OSBPL10: variants seen among roughly 807,000 people sequenced by gnomAD.
OSBPL10 encodes oxysterol-binding protein-related protein 10.
OSBPL10 carries 49 observed loss-of-function variants against 81.7 expected under a neutral mutation model. The ratio of observed to expected loss-of-function variants is 0.60; its 90% CI spans 0.48 to 0.76. The LOEUF (loss-of-function observed/expected upper bound fraction) is 0.76, where lower values mean the gene tolerates loss of function less well. Ranked by LOEUF, OSBPL10 falls within the 30% of genes least tolerant of loss-of-function variation. The pLI, the probability that OSBPL10 is intolerant of heterozygous loss-of-function variation, is 0.00. For missense variants in OSBPL10, 923 were observed against 987.8 expected (o/e 0.93, Z 0.88); for synonymous variants, 419 against 383.6 (o/e 1.09, Z -1.08).
chr3:31,669,122 G>A (rs576365899), intron 9 of OSBPL10, among the ~76,000 whole-genome samples: 2 of 151,934 alleles, frequency 1.3e-5, no homozygotes, highest in African/African-American at 2.4e-5. Context: ...TGAAAATCAG[G>A]CAATTCAAGA....
At chr3:31,930,237 AT>A (rs1268933002) in intron 1 of OSBPL10, among the ~76,000 whole-genome samples, 5 of 152,126 alleles carry the variant, frequency 3.3e-5, no homozygotes, top group African/African-American at 1.2e-4. Flanking sequence ...CCCTTGATGT[AT>A]GAAAACATGT....
intron 4 of OSBPL10, among the ~76,000 whole-genome samples, chr3:31,764,313 T>C (rs1042634515): frequency 5.3e-5 from 8 of 152,218 alleles, no homozygotes. Context: ...GTGGAATCAG[T>C]CAATTAATTC....
chr3:31,931,428 C>T (rs1697246750), intron 1 of OSBPL10, among the ~76,000 whole-genome samples: 1 of 152,138 alleles, frequency 6.6e-6, no homozygotes, highest in African/African-American at 2.4e-5. Flanking sequence ...AGCTGGTCTC[C>T]ATACTCCCCT....
intron 1 of OSBPL10, among the ~76,000 whole-genome samples, chr3:31,965,472 T>C (rs1698310514): frequency 9.6e-6 from 1 of 103,840 alleles, no homozygotes; most frequent in South Asian, 2.5e-4. Context: ...ATATAATATA[T>C]ATTATATATT....
chr3:31,736,460 G>A (rs1173260303), intron 5 of OSBPL10, among the ~76,000 whole-genome samples: 4 of 152,154 alleles, frequency 2.6e-5, no homozygotes, highest in African/African-American at 9.7e-5. Flanking sequence ...GGTAGACGGA[G>A]CTGAACTAAG....
At position 31,776,338 on chromosome 3, in the gene OSBPL10, A is replaced by G. The variant is rs551109316; in HGVS notation, c.730-28218T>C. Among the ~76,000 whole-genome samples, 9 of 152,300 alleles carry G rather than the reference A, an allele frequency of 5.9e-5. No homozygotes were observed. The South Asian group carries it at 1.7e-3, about 28-fold the overall frequency. ...TTAAAAGCTGGCAAGAATGTGGAGGAATTGGAACCTTCTTATACCGTTGGT... is the reference window on the plus strand; with the variant it reads ...TTAAAAGCTGGCAAGAATGTGGAGGGATTGGAACCTTCTTATACCGTTGGT... On this transcript the variant is annotated intron_variant, in intron 4 of 11. Coordinates refer to ENST00000396556, the MANE Select transcript of OSBPL10 (RefSeq NM_017784.5).
chr3:31,769,138 C>CT (rs1698283268), intron 4 of OSBPL10, among the ~76,000 whole-genome samples: 2 of 152,038 alleles, frequency 1.3e-5, no homozygotes, highest in Non-Finnish European at 2.9e-5. Flanking sequence ...AACATGCAAG[C>CT]ATGAAATAAT....
chr3:31,849,244 T>G (rs1211849269), intron 3 of OSBPL10, among the ~76,000 whole-genome samples: 1 of 152,226 alleles, frequency 6.6e-6, no homozygotes, highest in Non-Finnish European at 1.5e-5. Context: ...ATGTCCAGCA[T>G]AGCTAGGAGC....
intron 4 of OSBPL10, among the ~76,000 whole-genome samples, chr3:31,796,915 T>C (rs1699233723): frequency 6.6e-6 from 1 of 152,060 alleles, no homozygotes. Flanking sequence ...CCAAACATTT[T>C]CTCCCATTCT....
At chr3:31,748,440 C>G (rs1295982723) in intron 4 of OSBPL10, among the ~76,000 whole-genome samples, 1 of 152,106 alleles carries the variant, frequency 6.6e-6, no homozygotes, top group Non-Finnish European at 1.5e-5. Context: ...TTGCAACCAC[C>G]TTTAGAGTCC....
At chr3:32,012,086 C>T (rs1699265721) in intron 2 of OSBPL10, among the ~76,000 whole-genome samples, 2 of 152,108 alleles carry the variant, frequency 1.3e-5, no homozygotes, top group South Asian at 4.1e-4. Context: ...TCAGGAAATA[C>T]AGAGAATGCC....
chr3:31,752,984 A>T (rs183135684), intron 4 of OSBPL10, among the ~76,000 whole-genome samples: 1 of 152,086 alleles, frequency 6.6e-6, no homozygotes, highest in Non-Finnish European at 1.5e-5. Context: ...TCAATTACTC[A>T]ATCTGTCTGG....
intron 4 of OSBPL10, among the ~76,000 whole-genome samples, chr3:31,784,925 G>A (rs1308414609): frequency 6.6e-6 from 1 of 151,818 alleles, no homozygotes; most frequent in Non-Finnish European, 1.5e-5. Flanking sequence ...TGTCACCCAG[G>A]CTGGAGTGAA....
At chr3:31,663,430 C>T in intron 11 of OSBPL10, 1 of 987,184 alleles carries the variant, frequency 1.0e-6, no homozygotes, top group Non-Finnish European at 1.2e-6. Context: ...ATTTCCAATT[C>T]TGTTCTCAGA....
At chr3:31,953,980 G>A (rs1697941229) in intron 1 of OSBPL10, among the ~76,000 whole-genome samples, 1 of 152,304 alleles carries the variant, frequency 6.6e-6, no homozygotes, top group African/African-American at 2.4e-5. Context: ...TAACATCAAA[G>A]CTAAATAGGA....
In OSBPL10 at chr3:31,991,129, T is replaced by C; in HGVS notation, n.298+55362A>G. 3 of 796,882 alleles carry C rather than the reference T, an allele frequency of 3.8e-6. No individual in the cohort carries two copies. The South Asian group carries it at 5.6e-5, about 15-fold the overall frequency. The allele number at this position is 796,882 out of a possible 1,614,324, so 49.4% of individuals were successfully genotyped here. ...TTGACTTGACATTGAGTTCAAGCAT[T>C]AATTGACATTAAAGTGTTTACGTTA... On this transcript the variant is annotated intron_variant and non_coding_transcript_variant, in intron 2 of 3. Transcript: ENST00000479173.
intron 5 of OSBPL10, among the ~76,000 whole-genome samples, chr3:31,744,607 G>C (rs1697463744): frequency 2.0e-5 from 3 of 151,108 alleles, no homozygotes; most frequent in Admixed American, 2.0e-4. Context: ...AGGTGGGAGA[G>C]AGAGCACAGG....
intron 3 of OSBPL10, among the ~76,000 whole-genome samples, chr3:31,855,584 C>G (rs1428854087): frequency 1.3e-5 from 2 of 152,178 alleles, no homozygotes; most frequent in Non-Finnish European, 2.9e-5. Flanking sequence ...TTTCCAGGGT[C>G]CAGTACTATA....
intron 2 of OSBPL10, among the ~76,000 whole-genome samples, chr3:31,992,448 T>C (rs1253781158): frequency 6.6e-6 from 1 of 152,210 alleles, no homozygotes; most frequent in Non-Finnish European, 1.5e-5. Flanking sequence ...TAGAGCCATG[T>C]TGATTCTGGA....
Sources: gnomAD v4.1 joint callset for allele counts (sites outside exome capture counted in the v4.1 genomes callset) on GRCh38, gnomAD v4.1.1 for gene constraint, MANE v1.5 for transcripts, NCBI Gene and HGNC (gene_info 2026-07-23, HGNC 2026-07-21) for gene names.